The following DPP6 variants were observed in gnomAD, a reference collection of about 807,000 sequenced individuals.
The protein encoded by DPP6 is dipeptidyl peptidase like 6.
Under a neutral mutation model 122.6 loss-of-function variants are expected in DPP6, and 69 were observed. The ratio of observed to expected loss-of-function variants is 0.56; its 90% confidence interval spans 0.46 to 0.69. DPP6 has a LOEUF of 0.69. Among genes scored for constraint, DPP6 ranks in the 30% least tolerant of loss-of-function variants. DPP6 has a pLI of 0.00. For missense variants in DPP6, 928 were observed against 1,116.9 expected (o/e 0.83, Z 2.41); for synonymous variants, 418 against 433.1 (o/e 0.97, Z 0.43).
Position 154,790,989 on chromosome 7 carries a change from T to C in DPP6, c.1137-3090T>C, listed in dbSNP as rs551247452. Among the ~76,000 whole-genome samples, 34 of 152,238 alleles carry C rather than the reference T, an allele frequency of 2.2e-4. No individual in the cohort carries two copies. In the South Asian group the frequency reaches 6.6e-3, roughly 30 times the overall value. On this transcript the variant is annotated intron_variant, in intron 10 of 25. Transcript: ENST00000377770. ...ACTTGAGGCTGGGCACGGTGGTCCATGCCTGTAGTCCCAGCACTTTGGGAG... is the reference window on the plus strand; with the variant it reads ...ACTTGAGGCTGGGCACGGTGGTCCACGCCTGTAGTCCCAGCACTTTGGGAG...
At chr7:153,972,035 C>CGT (rs1796045811) in intron 1 of DPP6, among the ~76,000 whole-genome samples, 1 of 150,478 alleles carries the variant, frequency 6.6e-6, no homozygotes, top group Admixed American at 6.6e-5. Context: ...ACACATCATT[C>CGT]GTGTATTTTT....
At chr7:154,119,721 G>A (rs1258580216) in intron 1 of DPP6, among the ~76,000 whole-genome samples, 1 of 144,638 alleles carries the variant, frequency 6.9e-6, no homozygotes, top group African/African-American at 2.5e-5. Flanking sequence ...GGTGAGAAAG[G>A]GAGGGATGTG....
intron 6 of DPP6, among the ~76,000 whole-genome samples, chr7:154,665,469 G>A (rs1487773242): frequency 6.6e-6 from 1 of 152,126 alleles, no homozygotes; most frequent in Non-Finnish European, 1.5e-5. Flanking sequence ...TAGCTTTCAT[G>A]TTCTCTCAAT....
intron 1 of DPP6, among the ~76,000 whole-genome samples, chr7:154,390,980 C>A (rs1464390140): frequency 6.6e-6 from 1 of 152,184 alleles, no homozygotes; most frequent in Non-Finnish European, 1.5e-5. Context: ...GGTTGCTTTA[C>A]TTCTCCGCAC....
At chr7:154,341,391 C>T (rs1249920472) in intron 1 of DPP6, among the ~76,000 whole-genome samples, 1 of 151,990 alleles carries the variant, frequency 6.6e-6, no homozygotes, top group Non-Finnish European at 1.5e-5. Context: ...GTGAGCATTC[C>T]ATTTATTCAG....
Position 154,315,315 on chromosome 7 carries a change from G to T in DPP6, c.244-130899G>T, listed in dbSNP as rs1001720612. Among the ~76,000 whole-genome samples, 6 of 152,164 alleles carry T rather than the reference G, an allele frequency of 3.9e-5. No individual in the cohort carries two copies. In the East Asian group the frequency reaches 1.2e-3, roughly 29 times the overall value. ...CACATTGGGGGTTTGGCCCAGCAGG[G>T]CTTCAGATGTTGAAACATCTGGAAA... On this transcript the variant is annotated intron_variant, in intron 1 of 25. Coordinates refer to ENST00000377770, the MANE Select transcript of DPP6 (RefSeq NM_130797.4).
At chr7:154,441,091 G>C (rs796421678) in intron 1 of DPP6, among the ~76,000 whole-genome samples, 21 of 152,298 alleles carry the variant, frequency 1.4e-4, no homozygotes, top group African/African-American at 5.1e-4. Flanking sequence ...TTGGCTGCTT[G>C]AGGTATGCAT....
chr7:154,305,518 C>T (rs766391815), intron 1 of DPP6: 26 of 1,604,338 alleles, frequency 1.6e-5, no homozygotes, highest in South Asian at 5.6e-5. Context: ...AGGAGCCAAG[C>T]GCTTCGGGGA....
At chr7:154,853,677 G>T in intron 16 of DPP6, 103 bp from the exon 17 acceptor site, 2 of 1,493,846 alleles carry the variant, frequency 1.3e-6, no homozygotes, top group Non-Finnish European at 9.0e-7. Context: ...TCCAGGCTCC[G>T]CACGTCTATC....
At chr7:154,578,653 G>A (rs1436720727) in intron 5 of DPP6, among the ~76,000 whole-genome samples, 2 of 152,156 alleles carry the variant, frequency 1.3e-5, no homozygotes, top group Non-Finnish European at 2.9e-5. Flanking sequence ...CAAATTGGGT[G>A]CCGCCTTGGG....
intron 1 of DPP6, among the ~76,000 whole-genome samples, chr7:154,143,869 T>G (rs1795962802): frequency 1.3e-5 from 2 of 152,214 alleles, no homozygotes; most frequent in East Asian, 3.8e-4. Flanking sequence ...GTGCCGTTTT[T>G]TGTACATATA....
rs1165817773 is a variant in DPP6, at chr7:154,584,661, A to G, written c.627+17745A>G. 2.6e-5 allele frequency among the ~76,000 whole-genome samples: 4 copies of G among 152,302 alleles called. No homozygotes were observed. The East Asian group carries it at 5.8e-4, about 22-fold the overall frequency. On this transcript the variant is annotated intron_variant, in intron 5 of 25. Coordinates refer to ENST00000377770, the MANE Select transcript of DPP6 (RefSeq NM_130797.4). ...AGCTTCCAGGATTTTACCTTCTTAAATGCACTTCTGTTAAGCTGTGCATGT... is the reference window on the plus strand; with the variant it reads ...AGCTTCCAGGATTTTACCTTCTTAAGTGCACTTCTGTTAAGCTGTGCATGT...
upstream of DPP6, among the ~76,000 whole-genome samples, chr7:153,882,182 G>A (rs973066329): frequency 1.3e-5 from 2 of 152,096 alleles, no homozygotes; most frequent in African/African-American, 2.4e-5. Flanking sequence ...AATAAATGCC[G>A]ACCCATCTCA....
At chr7:154,059,644 A>C (rs1386150275) in intron 1 of DPP6, 2 of 149,640 alleles carry the variant, frequency 1.3e-5, no homozygotes, top group African/African-American at 5.1e-5. Flanking sequence ...AACTTTTGAA[A>C]TGGGGATCCC....
intron 1 of DPP6, among the ~76,000 whole-genome samples, chr7:154,132,224 G>T (rs1795319972): frequency 6.6e-6 from 1 of 152,222 alleles, no homozygotes; most frequent in East Asian, 1.9e-4. Context: ...TGATTTGCTG[G>T]TTTTACTGCT....
At chr7:154,101,205 T>G (rs1331298516) in intron 1 of DPP6, among the ~76,000 whole-genome samples, 1 of 138,146 alleles carries the variant, frequency 7.2e-6, no homozygotes, top group Non-Finnish European at 1.6e-5. Flanking sequence ...AGTCTCATCC[T>G]GTGCTTAATT....
the DPP6 span, among the ~76,000 whole-genome samples, chr7:153,866,908 T>A: frequency 6.6e-6 from 1 of 152,122 alleles, no homozygotes; most frequent in South Asian, 2.1e-4. Flanking sequence ...AAATAGGGAA[T>A]CCTTTCCCCA....
chr7:154,310,659 G>T (rs1398047396), intron 1 of DPP6, among the ~76,000 whole-genome samples: 2 of 152,148 alleles, frequency 1.3e-5, no homozygotes, highest in South Asian at 4.1e-4. Context: ...ACCTTCAAAT[G>T]CTCCATGGAG....
intron 2 of DPP6, among the ~76,000 whole-genome samples, chr7:154,458,861 C>A (rs990302687): frequency 6.6e-6 from 1 of 152,184 alleles, no homozygotes; most frequent in Non-Finnish European, 1.5e-5. Flanking sequence ...CCATGCTGGG[C>A]TCCTAGCTCA....
Sources: gnomAD v4.1 joint callset for allele counts (sites outside exome capture counted in the v4.1 genomes callset) on GRCh38, gnomAD v4.1.1 for gene constraint, MANE v1.5 for transcripts, NCBI Gene and HGNC (gene_info 2026-07-23, HGNC 2026-07-21) for gene names.